VPS13A: variants seen among roughly 807,000 people sequenced by gnomAD.
VPS13A encodes vacuolar protein sorting 13 homolog A.
A neutral mutation model predicts 390.9 loss-of-function variants in VPS13A; 264 were observed. That is an observed-to-expected ratio of 0.68 (90% CI 0.61 to 0.75). The LOEUF is 0.75. Ranked by LOEUF, VPS13A falls within the 30% of genes least tolerant of loss-of-function variation. VPS13A has a pLI of 0.00. For synonymous variants in VPS13A, 1,231 were observed against 1,227.1 expected, an observed-to-expected ratio of 1.00 and a Z score of -0.07; for missense variants, 3,409 against 3,733.9, an observed-to-expected ratio of 0.91 and a Z score of 2.27.
At chr9:77,201,806 A>G (rs1825346848) in intron 3 of VPS13A, among the ~76,000 whole-genome samples, 1 of 152,148 alleles carries the variant, frequency 6.6e-6, no homozygotes, top group Admixed American at 6.5e-5. Flanking sequence ...TTTGAAAACT[A>G]ATTTCTGCTC....
chr9:77,410,027 G>C (rs1834841240), intron 71 of VPS13A, among the ~76,000 whole-genome samples: 1 of 151,902 alleles, frequency 6.6e-6, no homozygotes, highest in Non-Finnish European at 1.5e-5. Context: ...AGGAAAAAAT[G>C]TTAAGGGCAG....
chr9:77,293,614 A>AT (rs1376139719), intron 32 of VPS13A, 106 bp downstream of exon 32: 6 of 625,090 alleles, frequency 9.6e-6, no homozygotes, highest in Non-Finnish European at 1.4e-5. Flanking sequence ...ATTTTTTCTG[A>AT]TTTTTTAAAT....
chr9:77,235,233 A>G (rs1463146601), intron 17 of VPS13A, among the ~76,000 whole-genome samples: 2 of 152,200 alleles, frequency 1.3e-5, no homozygotes, highest in Non-Finnish European at 2.9e-5. Flanking sequence ...GGGCAGGTCT[A>G]CTAATGACAG....
At chr9:77,216,406 A>G (rs1822864062) in intron 10 of VPS13A, among the ~76,000 whole-genome samples, 1 of 152,198 alleles carries the variant, frequency 6.6e-6, no homozygotes, top group African/African-American at 2.4e-5. Context: ...GGAATGATCC[A>G]GTAGAACATG....
chr9:77,312,685 G>A (rs1312874555), intron 35 of VPS13A, among the ~76,000 whole-genome samples: 1 of 152,146 alleles, frequency 6.6e-6, no homozygotes, highest in African/African-American at 2.4e-5. Context: ...AAAGTGCTGG[G>A]ATTACAGGTG....
intron 63 of VPS13A, 34 bp from the exon 64 acceptor site, chr9:77,370,219 AACTC>A (rs764171035): frequency 1.2e-5 from 19 of 1,597,634 alleles, no homozygotes; most frequent in South Asian, 3.3e-5. Flanking sequence ...AAGTGAATAT[AACTC>A]ACTCACTCAT....
intron 68 of VPS13A, among the ~76,000 whole-genome samples, chr9:77,396,059 A>G (rs1834106921): frequency 6.6e-6 from 1 of 151,930 alleles, no homozygotes; most frequent in Non-Finnish European, 1.5e-5. Flanking sequence ...GTTCTGCTGA[A>G]CTTTAGTGAG....
chr9:77,340,312 T>A (rs1024771354), intron 49 of VPS13A, 30 bp downstream of exon 49: 12 of 1,603,632 alleles, frequency 7.5e-6, no homozygotes, highest in Non-Finnish European at 1.0e-5. Context: ...ATCAAGAAAC[T>A]TTTATTTTAA....
chr9:77,337,342 T>C lies in VPS13A; in HGVS notation c.6183T>C (p.Ala2061=), dbSNP rs1211575074. 6.2e-7 allele frequency: 1 copy of C among 1,612,790 alleles called. No individual in the cohort carries two copies. Among genetic ancestry groups the C allele is most frequent in the Admixed American group, 1.7e-5 (1 of 59,976 alleles). Reference sequence around the variant, plus strand: ...AAGAGATTATAAAAAATGATGGTGCTCTTCTAAAGAAGAAATGTAGATCTA... The same window carrying C: ...AAGAGATTATAAAAAATGATGGTGCCCTTCTAAAGAAGAAATGTAGATCTA... The part of the protein sequence containing the change: ...DFEEIIKNDG[A]LLKKKCRSKN... The change falls in exon 47 of 72, where the codon GCT becomes GCC. Residue 2061 remains alanine (A), a synonymous_variant. Transcript: ENST00000360280.
chr9:77,188,713 A>C (rs1378223552), intron 1 of VPS13A, among the ~76,000 whole-genome samples: 2 of 152,196 alleles, frequency 1.3e-5, no homozygotes, highest in Non-Finnish European at 2.9e-5. Flanking sequence ...CTGCATTCCA[A>C]AGTGGCTGAA....
intron 1 of VPS13A, among the ~76,000 whole-genome samples, chr9:77,183,058 A>C (rs1039906003): frequency 6.6e-6 from 1 of 152,188 alleles, no homozygotes; most frequent in African/African-American, 2.4e-5. Flanking sequence ...CTAATTCCTT[A>C]TGTATTATTT....
intron 17 of VPS13A, among the ~76,000 whole-genome samples, chr9:77,228,478 C>T (rs1003414449): frequency 2.6e-5 from 4 of 151,634 alleles, no homozygotes; most frequent in African/African-American, 7.3e-5. Flanking sequence ...AAGAATAATA[C>T]AAAAATGATC....
chr9:77,310,910 T>C (rs999271154), intron 35 of VPS13A, among the ~76,000 whole-genome samples: 1 of 151,988 alleles, frequency 6.6e-6, no homozygotes, highest in Non-Finnish European at 1.5e-5. Context: ...CCACATGTAC[T>C]CATCACCCAC....
At chr9:77,242,234 ACTAT>A (rs1306716150) in intron 19 of VPS13A, among the ~76,000 whole-genome samples, 2 of 152,258 alleles carry the variant, frequency 1.3e-5, no homozygotes, top group Admixed American at 1.3e-4. Context: ...TATGAGATAT[ACTAT>A]CTGTCATTTT....
chr9:77,407,419 T>C (rs1834675321), intron 70 of VPS13A, 114 bp from the exon 71 acceptor site: 2 of 801,994 alleles, frequency 2.5e-6, no homozygotes, highest in Admixed American at 4.5e-5. Flanking sequence ...TTAAGGTGCA[T>C]GATTTGTATA....
intron 54 of VPS13A, among the ~76,000 whole-genome samples, chr9:77,355,130 A>G (rs559961898): frequency 6.6e-5 from 10 of 152,292 alleles, no homozygotes; most frequent in Admixed American, 3.9e-4. Context: ...CCTCAAATGT[A>G]CTGTCTGTTT....
chr9:77,322,076 G>C (rs1455232156), intron 44 of VPS13A, among the ~76,000 whole-genome samples: 1 of 151,614 alleles, frequency 6.6e-6, no homozygotes, highest in Non-Finnish European at 1.5e-5. Context: ...TGTTTGTGGG[G>C]GTTCTTTTAT....
rs140803807 is a variant in VPS13A at position 77,310,989 on chromosome 9, A to G, written c.4114+2891A>G. Among the ~76,000 whole-genome samples the G allele has an allele frequency of 6.5e-3, 978 of 151,606 alleles. 7 individuals carry two copies. The highest frequency in any genetic ancestry group is 0.01 in the South Asian group (50 of 4,796). On this transcript the variant is annotated intron_variant, in intron 35 of 71. Transcript: ENST00000360280. The stretch of plus-strand genomic sequence containing the variant: ...CACCCAGGCTGGAGTGTAGTGGTGC[A>G]ATCTCGGCTACTGCAAGCTCTGCCT...
intron 68 of VPS13A, among the ~76,000 whole-genome samples, chr9:77,399,326 G>T (rs1185639545): frequency 1.3e-5 from 2 of 151,958 alleles, no homozygotes; most frequent in African/African-American, 4.8e-5. Flanking sequence ...ACTTTCTCTG[G>T]ATTCTTTTAG....
Sources: allele counts gnomAD v4.1 joint callset (sites outside exome capture counted in the v4.1 genomes callset), GRCh38; gene constraint gnomAD v4.1.1; transcripts MANE v1.5; gene names NCBI Gene and HGNC (gene_info 2026-07-23, HGNC 2026-07-21).